KIR3DL3: variants seen among roughly 807,000 people sequenced by gnomAD.
The protein encoded by KIR3DL3 is killer cell immunoglobulin like receptor, three Ig domains and long cytoplasmic tail 3.
Under a neutral mutation model 34.9 loss-of-function variants are expected in KIR3DL3, and 27 were observed. The observed-to-expected ratio is 0.77, with a 90% confidence interval of 0.57 to 1.07. The LOEUF (loss-of-function observed/expected upper bound fraction) is 1.07, where lower values mean the gene tolerates loss of function less well. KIR3DL3 is among the 50% of genes least tolerant of loss of function. The probability of loss-of-function intolerance (pLI) is 0.00; values close to 1 mark genes in which losing one functional copy is unlikely to be tolerated. For synonymous variants in KIR3DL3, 217 were observed against 200.2 expected (o/e 1.08, Z -0.71); for missense variants, 681 against 528.5 (o/e 1.29, Z -2.83).
At chr19:54,731,962 A>G (rs1417199794) in intron 5 of KIR3DL3, among the ~76,000 whole-genome samples, 3 of 152,194 alleles carry the variant, frequency 2.0e-5, no homozygotes, top group Non-Finnish European at 4.4e-5. Flanking sequence ...AGTTCAGCTG[A>G]TTAGCAACCG....
Sources: gnomAD v4.1 joint callset for allele counts (sites outside exome capture counted in the v4.1 genomes callset) on GRCh38, gnomAD v4.1.1 for gene constraint, MANE v1.5 for transcripts, NCBI Gene and HGNC (gene_info 2026-07-23, HGNC 2026-07-21) for gene names.